The following TENM4 variants were observed in gnomAD, a reference collection of about 807,000 sequenced individuals.
TENM4 encodes the protein teneurin-4.
TENM4 carries 82 observed loss-of-function variants against 243.3 expected under a neutral mutation model. The observed-to-expected ratio is 0.34, with a 90% CI of 0.28 to 0.40. TENM4 has a LOEUF of 0.40. TENM4 is among the 10% of genes least tolerant of loss of function. The probability of loss-of-function intolerance (pLI) is 1.00; values close to 1 mark genes in which losing one functional copy is unlikely to be tolerated. For synonymous variants in TENM4, 1,412 were observed against 1,456.3 expected (o/e 0.97, Z 0.69); for missense variants, 3,138 against 3,673.3 (o/e 0.85, Z 3.77).
chr11:79,231,895 C>G (rs546903451), intron 2 of TENM4, among the ~76,000 whole-genome samples: 1 of 152,122 alleles, frequency 6.6e-6, no homozygotes, highest in African/African-American at 2.4e-5. Context: ...GCCTGGCCAA[C>G]ATGGTGAAAC....
intron 3 of TENM4, among the ~76,000 whole-genome samples, chr11:79,179,532 T>C (rs985408769): frequency 4.8e-5 from 7 of 145,566 alleles, no homozygotes; most frequent in Admixed American, 6.8e-5. Context: ...AGATAGTCCA[T>C]TGAAATTTGG....
intron 3 of TENM4, among the ~76,000 whole-genome samples, chr11:79,200,368 C>T (rs1863714468): frequency 6.6e-6 from 1 of 152,224 alleles, no homozygotes; most frequent in Admixed American, 6.5e-5. Flanking sequence ...TAAATATCTC[C>T]ACTTTTAAAA....
chr11:79,406,879 G>C (rs930501920), intron 1 of TENM4, among the ~76,000 whole-genome samples: 1 of 152,142 alleles, frequency 6.6e-6, no homozygotes, highest in Non-Finnish European at 1.5e-5. Context: ...TATTATGATA[G>C]AAGAGGTTAA....
At chr11:79,034,146 G>C (rs985157112) in intron 6 of TENM4, among the ~76,000 whole-genome samples, 1 of 152,272 alleles carries the variant, frequency 6.6e-6, no homozygotes, top group East Asian at 1.9e-4. Flanking sequence ...ACTGCAGAGC[G>C]ACATACAAGC....
chr11:79,125,647 C>T (rs192498022), intron 4 of TENM4, among the ~76,000 whole-genome samples: 1 of 152,112 alleles, frequency 6.6e-6, no homozygotes, highest in African/African-American at 2.4e-5. Context: ...AAACAGCTTC[C>T]CCATCCCCAG....
intron 6 of TENM4, among the ~76,000 whole-genome samples, chr11:78,936,213 G>A (rs898941925): frequency 6.6e-6 from 1 of 152,186 alleles, no homozygotes; most frequent in African/African-American, 2.4e-5. Flanking sequence ...ATCATTCCTT[G>A]TGCTAAAGAA....
intron 15 of TENM4, among the ~76,000 whole-genome samples, chr11:78,793,678 C>T (rs1857105047): frequency 6.6e-6 from 1 of 152,226 alleles, no homozygotes; most frequent in Non-Finnish European, 1.5e-5. Flanking sequence ...TCCAGAACTG[C>T]AACTGTTGTT....
rs756645052 is a variant in TENM4, at chr11:78,999,957, AC to A, written c.493+64780del. 9.8e-5 allele frequency among the ~76,000 whole-genome samples: 15 copies of A among 152,358 alleles called. No homozygotes were observed. In the East Asian group the frequency reaches 2.5e-3, roughly 25 times the overall value. On this transcript the variant is annotated intron_variant, in intron 6 of 33. Coordinates refer to ENST00000278550, the MANE Select transcript of TENM4 (RefSeq NM_001098816.3). ...GCAAGATAAATGAGAAGAGATCCATACAGAGACACATCATAAACTGTTGAAA... is the reference window on the plus strand; with the variant it reads ...GCAAGATAAATGAGAAGAGATCCATAAGAGACACATCATAAACTGTTGAAA...
intron 1 of TENM4, among the ~76,000 whole-genome samples, chr11:79,331,095 T>C (rs1857054095): frequency 6.6e-6 from 1 of 152,174 alleles, no homozygotes; most frequent in Non-Finnish European, 1.5e-5. Flanking sequence ...TTAGGATGAA[T>C]GATTCAGAGT....
chr11:78,811,619 G>A (rs1381639152), intron 14 of TENM4, among the ~76,000 whole-genome samples: 4 of 151,650 alleles, frequency 2.6e-5, no homozygotes, highest in African/African-American at 9.7e-5. Context: ...TGATAAAAGA[G>A]GGCAGAGTTT....
At chr11:78,890,496 G>GA (rs1264170925) in intron 8 of TENM4, among the ~76,000 whole-genome samples, 1 of 152,214 alleles carries the variant, frequency 6.6e-6, no homozygotes, top group Non-Finnish European at 1.5e-5. Flanking sequence ...TATCTCAACT[G>GA]AGGATTGGAA....
At chr11:79,048,619 G>A (rs1565181873) in intron 6 of TENM4, among the ~76,000 whole-genome samples, 1 of 152,140 alleles carries the variant, frequency 6.6e-6, no homozygotes. Flanking sequence ...CTGTATGTGA[G>A]TTTCTGGTAG....
At chr11:78,688,862 C>T (rs1199065232) in intron 28 of TENM4, among the ~76,000 whole-genome samples, 1 of 152,142 alleles carries the variant, frequency 6.6e-6, no homozygotes, top group African/African-American at 2.4e-5. Context: ...ACTCTTAGAA[C>T]CCCCACAGCT....
intron 2 of TENM4, among the ~76,000 whole-genome samples, chr11:79,292,881 T>C (rs599239): frequency 0.74 from 112,054 of 152,180 alleles, 41,466 homozygotes; most frequent in East Asian, 0.83. Flanking sequence ...AGCACTATGC[T>C]TAGCAAATAG....
At chr11:79,257,554 AAGGGTGG>A (rs772278830) in intron 2 of TENM4, among the ~76,000 whole-genome samples, 1 of 152,096 alleles carries the variant, frequency 6.6e-6, no homozygotes, top group Non-Finnish European at 1.5e-5. Context: ...TGCATCTTGG[AAGGGTGG>A]AGGGTGGAGG....
At chr11:78,752,707 C>T (rs763885491) in intron 19 of TENM4, among the ~76,000 whole-genome samples, 1 of 152,188 alleles carries the variant, frequency 6.6e-6, no homozygotes, top group Non-Finnish European at 1.5e-5. Flanking sequence ...TCTGGAGAAA[C>T]GCCACTGGGC....
At chr11:78,921,588 A>G (rs1856449075) in intron 6 of TENM4, among the ~76,000 whole-genome samples, 1 of 152,212 alleles carries the variant, frequency 6.6e-6, no homozygotes, top group Non-Finnish European at 1.5e-5. Flanking sequence ...AGCCAAAGCA[A>G]CCAGGCTCCC....
intron 6 of TENM4, among the ~76,000 whole-genome samples, chr11:78,936,346 A>G (rs1856783460): frequency 6.6e-6 from 1 of 152,194 alleles, no homozygotes; most frequent in Non-Finnish European, 1.5e-5. Context: ...GTTTATTATC[A>G]TTGCCAAGTT....
Position 79,016,422 on chromosome 11 carries a change from T to C in TENM4, c.493+48316A>G, listed in dbSNP as rs563629164. 5.9e-4 allele frequency among the ~76,000 whole-genome samples: 90 copies of C among 152,258 alleles called. 1 individual carries two copies. The highest frequency in any genetic ancestry group is 2.1e-3 in the African/African-American group (88 of 41,550). ...TAACTTGGGCGAGTGGGTAGATCACTCCATTTACTGAGATGGGGAAGACTT... is the reference window on the plus strand; with the variant it reads ...TAACTTGGGCGAGTGGGTAGATCACCCCATTTACTGAGATGGGGAAGACTT... On this transcript the variant is annotated intron_variant, in intron 6 of 33. Coordinates refer to ENST00000278550, the MANE Select transcript of TENM4 (RefSeq NM_001098816.3).
Sources: gnomAD v4.1 joint callset for allele counts (sites outside exome capture counted in the v4.1 genomes callset) on GRCh38, gnomAD v4.1.1 for gene constraint, MANE v1.5 for transcripts, NCBI Gene and HGNC (gene_info 2026-07-23, HGNC 2026-07-21) for gene names.